DOK6: variants seen among roughly 807,000 people sequenced by gnomAD.
DOK6 encodes downstream of tyrosine kinase 6.
DOK6 carries 22 observed loss-of-function variants against 44.0 expected under a neutral mutation model. The observed-to-expected ratio is 0.50, with a 90% CI of 0.36 to 0.71. The LOEUF (loss-of-function observed/expected upper bound fraction) is 0.71. Among genes scored for constraint, DOK6 ranks in the 30% least tolerant of loss-of-function variants. The probability of loss-of-function intolerance (pLI) is 0.00; values close to 1 mark genes in which losing one functional copy is unlikely to be tolerated. For synonymous variants in DOK6, 166 were observed against 145.5 expected (o/e 1.14, Z -1.01); for missense variants, 340 against 416.4 (o/e 0.82, Z 1.60).
At chr18:69,636,743 T>G (rs1391865353) in intron 3 of DOK6, among the ~76,000 whole-genome samples, 1 of 152,176 alleles carries the variant, frequency 6.6e-6, no homozygotes, top group African/African-American at 2.4e-5. Context: ...GTATTTGCCT[T>G]AAACTTATGA....
chr18:69,703,626 C>CA (rs1364316189), intron 5 of DOK6, among the ~76,000 whole-genome samples: 3 of 152,214 alleles, frequency 2.0e-5, no homozygotes, highest in Admixed American at 1.3e-4. Context: ...CAGGCTTGGA[C>CA]AGATCACCAG....
At chr18:69,494,834 G>A (rs1021054527) in intron 1 of DOK6, among the ~76,000 whole-genome samples, 1 of 152,102 alleles carries the variant, frequency 6.6e-6, no homozygotes, top group Non-Finnish European at 1.5e-5. Context: ...TTGGGGTGAC[G>A]CATTTCTGGA....
At chr18:69,635,349 G>A (rs1030813310) in intron 3 of DOK6, among the ~76,000 whole-genome samples, 3 of 152,168 alleles carry the variant, frequency 2.0e-5, no homozygotes, top group Non-Finnish European at 2.9e-5. Flanking sequence ...TGTGCAGGAC[G>A]TAGAAATGTT....
At chr18:69,633,667 C>G (rs569296554) in intron 3 of DOK6, among the ~76,000 whole-genome samples, 9 of 152,104 alleles carry the variant, frequency 5.9e-5, no homozygotes, top group Non-Finnish European at 1.0e-4. Context: ...TACATTTTAA[C>G]TTATGAAACA....
chr18:69,820,473 G>A (rs750802689), intron 7 of DOK6, among the ~76,000 whole-genome samples: 8 of 152,136 alleles, frequency 5.3e-5, no homozygotes, highest in East Asian at 3.9e-4. Context: ...CATAGGGTGC[G>A]TAGATTACTA....
intron 7 of DOK6, among the ~76,000 whole-genome samples, chr18:69,821,256 C>T (rs1981560328): frequency 6.6e-6 from 1 of 152,178 alleles, no homozygotes; most frequent in African/African-American, 2.4e-5. Context: ...CCCTGCATCA[C>T]ACTTCCTATG....
At chr18:69,434,106 G>A (rs1411168825) in intron 1 of DOK6, among the ~76,000 whole-genome samples, 1 of 152,126 alleles carries the variant, frequency 6.6e-6, no homozygotes, top group East Asian at 1.9e-4. Context: ...GTGAGGTCAG[G>A]TTCAGTTTTG....
rs550857248 is a variant in DOK6 at position 69,544,936 on chromosome 18, C to T, written c.67-19551C>T. Among the ~76,000 whole-genome samples the T allele has an allele frequency of 7.1e-4, 108 of 151,332 alleles. 1 individual carries two copies. Among genetic ancestry groups the T allele is most frequent in the African/African-American group, 2.5e-3 (103 of 41,428 alleles). On this transcript the variant is annotated intron_variant, in intron 1 of 7. Coordinates refer to ENST00000382713, the MANE Select transcript of DOK6 (RefSeq NM_152721.6). ...ACTAGGTCAGGAGCTCGAGACCATC[C>T]TGGCTAACATGGTGAAACCCCATCT...
chr18:69,713,486 A>G (rs1986814733), intron 5 of DOK6, among the ~76,000 whole-genome samples: 1 of 152,180 alleles, frequency 6.6e-6, no homozygotes. Context: ...CTTAACACAA[A>G]TATACTTATG....
chr18:69,729,427 T>C (rs762621970), intron 5 of DOK6, among the ~76,000 whole-genome samples: 19 of 152,342 alleles, frequency 1.2e-4, no homozygotes, highest in Non-Finnish European at 2.2e-4. Flanking sequence ...CCTACCAACA[T>C]GTTTGTCTTT....
intron 1 of DOK6, among the ~76,000 whole-genome samples, chr18:69,403,733 A>G (rs1916145765): frequency 6.6e-6 from 1 of 152,234 alleles, no homozygotes; most frequent in African/African-American, 2.4e-5. Context: ...AACTTCACAT[A>G]GCTGGTTCTG....
At chr18:69,687,331 G>A (rs920319609) in intron 4 of DOK6, among the ~76,000 whole-genome samples, 1 of 152,158 alleles carries the variant, frequency 6.6e-6, no homozygotes, top group African/African-American at 2.4e-5. Context: ...TAATTCATCT[G>A]TAAAAAGCAT....
intron 1 of DOK6, among the ~76,000 whole-genome samples, chr18:69,495,955 C>T (rs908376579): frequency 5.9e-5 from 9 of 152,144 alleles, no homozygotes; most frequent in Admixed American, 1.3e-4. Flanking sequence ...GAGCGGGTGC[C>T]GGGAATGGAG....
intron 1 of DOK6, among the ~76,000 whole-genome samples, chr18:69,486,031 A>G (rs1168078373): frequency 1.3e-5 from 2 of 151,904 alleles, no homozygotes; most frequent in African/African-American, 2.4e-5. Flanking sequence ...TATAAATGCC[A>G]CTTCTTGGAT....
intron 1 of DOK6, among the ~76,000 whole-genome samples, chr18:69,445,605 G>C (rs538677265): frequency 6.6e-6 from 1 of 152,084 alleles, no homozygotes; most frequent in East Asian, 1.9e-4. Context: ...TACTTTAATT[G>C]ACTTTCATAT....
chr18:69,522,516 G>GTCTAATATCTTGATTGTCTA (rs1981716209), intron 1 of DOK6, among the ~76,000 whole-genome samples: 1 of 151,942 alleles, frequency 6.6e-6, no homozygotes, highest in South Asian at 2.1e-4. Context: ...CTTATGGATG[G>GTCTAATATCTTGATTGTCTA]ATAATATCTT....
At chr18:69,588,894 TTA>T (rs1273782772) in intron 2 of DOK6, among the ~76,000 whole-genome samples, 3 of 152,152 alleles carry the variant, frequency 2.0e-5, no homozygotes, top group Admixed American at 1.3e-4. Context: ...AAGCTTGTAA[TTA>T]TTAATAATAA....
At chr18:69,735,501 C>T (rs1022761266) in intron 5 of DOK6, among the ~76,000 whole-genome samples, 1 of 152,250 alleles carries the variant, frequency 6.6e-6, no homozygotes, top group African/African-American at 2.4e-5. Context: ...CCTTCCAAGG[C>T]CCCTCCCAGT....
intron 1 of DOK6, among the ~76,000 whole-genome samples, chr18:69,429,647 A>T (rs1317302128): frequency 2.9e-5 from 3 of 103,972 alleles, no homozygotes; most frequent in African/African-American, 1.3e-4. Context: ...ATATATATAT[A>T]TATATATATA....
Sources: gnomAD v4.1 joint callset for allele counts (sites outside exome capture counted in the v4.1 genomes callset) on GRCh38, gnomAD v4.1.1 for gene constraint, MANE v1.5 for transcripts, NCBI Gene and HGNC (gene_info 2026-07-23, HGNC 2026-07-21) for gene names.